SMIM45: variants seen among roughly 807,000 people sequenced by gnomAD.
The protein encoded by SMIM45 is small integral membrane protein 45.
the SMIM45 span, chr22:41,958,248 A>G: frequency 2.2e-6 from 1 of 454,760 alleles, no homozygotes; most frequent in Non-Finnish European, 4.4e-6. Context: ...GAGGCTCCGG[A>G]GCCCTCATTT....
At chr22:41,951,995 C>T in the SMIM45 span, among the ~76,000 whole-genome samples, 1 of 152,378 alleles carries the variant, frequency 6.6e-6, no homozygotes, top group African/African-American at 2.4e-5. Context: ...GCCGCTCTGT[C>T]ATCTGCTGTA....
At chr22:41,953,643 C>T in the SMIM45 span, among the ~76,000 whole-genome samples, 1 of 151,868 alleles carries the variant, frequency 6.6e-6, no homozygotes, top group Non-Finnish European at 1.5e-5. Flanking sequence ...GGGCTCCTCA[C>T]GTCACCCCTT....
At chr22:41,949,647 G>C in the SMIM45 span, among the ~76,000 whole-genome samples, 1 of 152,222 alleles carries the variant, frequency 6.6e-6, no homozygotes, top group Non-Finnish European at 1.5e-5. Flanking sequence ...GGGTCAGCAT[G>C]TGCTGAGTGC....
At chr22:41,954,327 C>T in the SMIM45 span, among the ~76,000 whole-genome samples, 7 of 151,348 alleles carry the variant, frequency 4.6e-5, no homozygotes, top group Non-Finnish European at 7.4e-5. Flanking sequence ...CTGCCTCAGC[C>T]TGTTGAGTAG....
the SMIM45 span, among the ~76,000 whole-genome samples, chr22:41,952,796 T>A: frequency 1.3e-5 from 2 of 152,168 alleles, no homozygotes; most frequent in Non-Finnish European, 2.9e-5. Context: ...TCCCCCAGCA[T>A]TGCAGCTGAA....
At chr22:41,957,059 G>A in the SMIM45 span, among the ~76,000 whole-genome samples, 1 of 152,030 alleles carries the variant, frequency 6.6e-6, no homozygotes, top group African/African-American at 2.4e-5. Context: ...GGGATTACAG[G>A]TGTGAGCCAC....
At chr22:41,947,357 ATACACAGTACTTTT>A in the SMIM45 span, among the ~76,000 whole-genome samples, 481 of 144,702 alleles carry the variant, frequency 3.3e-3, 7 homozygotes, top group African/African-American at 0.012. Context: ...ATTCATGCTC[ATACACAGTACTTTT>A]TTTTTTTTTT....
At chr22:41,947,982 A>G in the SMIM45 span, among the ~76,000 whole-genome samples, 3 of 152,148 alleles carry the variant, frequency 2.0e-5, no homozygotes, top group East Asian at 1.9e-4. Context: ...TCTTTGTCCA[A>G]TGGGAGACTT....
At chr22:41,954,871 G>C in the SMIM45 span, among the ~76,000 whole-genome samples, 4 of 152,142 alleles carry the variant, frequency 2.6e-5, no homozygotes, top group Admixed American at 6.5e-5. Context: ...CCTGGGCATG[G>C]TGGCAGATGC....
chr22:41,956,777 C>T, the SMIM45 span, among the ~76,000 whole-genome samples: 2 of 152,256 alleles, frequency 1.3e-5, no homozygotes, highest in African/African-American at 4.8e-5. Flanking sequence ...CAAGGGCACA[C>T]ATCCTGGCAA....
chr22:41,949,091 T>A, the SMIM45 span, among the ~76,000 whole-genome samples: 2 of 150,616 alleles, frequency 1.3e-5, no homozygotes, highest in Non-Finnish European at 1.5e-5. Flanking sequence ...ACAAACAAAT[T>A]AGCCAGGTAT....
the SMIM45 span, among the ~76,000 whole-genome samples, chr22:41,956,943 G>C: frequency 6.6e-6 from 1 of 152,136 alleles, no homozygotes; most frequent in Non-Finnish European, 1.5e-5. Context: ...ATCATGCCCG[G>C]CTAATTTTTG....
the SMIM45 span, among the ~76,000 whole-genome samples, chr22:41,956,203 GT>G: frequency 6.6e-6 from 1 of 152,194 alleles, no homozygotes. Context: ...TAGAGACGGG[GT>G]TTTGCCATGT....
chr22:41,953,840 T>C, the SMIM45 span, among the ~76,000 whole-genome samples: 3 of 142,150 alleles, frequency 2.1e-5, no homozygotes, highest in Admixed American at 2.3e-4. Context: ...AAGCTCTGCC[T>C]CCGGGGTTCA....
At chr22:41,955,456 G>C in the SMIM45 span, among the ~76,000 whole-genome samples, 3 of 152,160 alleles carry the variant, frequency 2.0e-5, no homozygotes, top group South Asian at 6.2e-4. Flanking sequence ...TGGGATCATA[G>C]GCATGAGCCA....
chr22:41,946,950 G>T, the SMIM45 span: 13 of 1,512,010 alleles, frequency 8.6e-6, no homozygotes, highest in African/African-American at 1.7e-4. Flanking sequence ...AGAGAGCTCA[G>T]TTGACCTAGT....
the SMIM45 span, among the ~76,000 whole-genome samples, chr22:41,954,542 C>G: frequency 6.6e-6 from 1 of 152,112 alleles, no homozygotes; most frequent in Non-Finnish European, 1.5e-5. Flanking sequence ...AGGAATTTGC[C>G]AAGTGAACAA....
chr22:41,956,545 G>A, the SMIM45 span, among the ~76,000 whole-genome samples: 1 of 152,192 alleles, frequency 6.6e-6, no homozygotes. Context: ...CTGGCAACTG[G>A]CAGCCATGGC....
At chr22:41,949,831 C>T in the SMIM45 span, among the ~76,000 whole-genome samples, 1 of 152,126 alleles carries the variant, frequency 6.6e-6, no homozygotes, top group Admixed American at 6.5e-5. Context: ...TTCACCGGGG[C>T]GGTGATCATT....
Sources: allele counts gnomAD v4.1 joint callset (sites outside exome capture counted in the v4.1 genomes callset), GRCh38; gene constraint gnomAD v4.1.1; transcripts MANE v1.5; gene names NCBI Gene and HGNC (gene_info 2026-07-23, HGNC 2026-07-21).